KCNIP4: variants seen among roughly 807,000 people sequenced by gnomAD.
KCNIP4 encodes the protein potassium voltage-gated channel interacting protein 4.
In KCNIP4, 12 loss-of-function variants were observed where a neutral mutation model predicts 34.0. That is an observed-to-expected ratio of 0.35 (90% CI 0.23 to 0.57). The LOEUF (loss-of-function observed/expected upper bound fraction) is 0.57. KCNIP4 is among the 20% of genes least tolerant of loss of function. The pLI is 0.83. For missense variants in KCNIP4, 238 were observed against 311.7 expected (o/e 0.76, Z 1.78); for synonymous variants, 124 against 102.2 (o/e 1.21, Z -1.29).
chr4:21,077,185 T>A (rs1265582963), intron 1 of KCNIP4, among the ~76,000 whole-genome samples: 2 of 151,956 alleles, frequency 1.3e-5, no homozygotes, highest in Admixed American at 1.3e-4. Flanking sequence ...GTATTGAGGT[T>A]TTATTGCTCC....
intron 1 of KCNIP4, among the ~76,000 whole-genome samples, chr4:21,895,874 C>T (rs1474583170): frequency 6.6e-6 from 1 of 152,028 alleles, no homozygotes; most frequent in Non-Finnish European, 1.5e-5. Context: ...TTATTTATAC[C>T]TCTCTTTTTC....
At chr4:21,803,623 A>G (rs1198504506) in intron 1 of KCNIP4, among the ~76,000 whole-genome samples, 1 of 151,896 alleles carries the variant, frequency 6.6e-6, no homozygotes, top group Non-Finnish European at 1.5e-5. Context: ...ATGTCTCCAA[A>G]ATGCTACCCT....
intron 1 of KCNIP4, among the ~76,000 whole-genome samples, chr4:21,410,695 T>C: frequency 6.6e-6 from 1 of 152,200 alleles, no homozygotes; most frequent in Non-Finnish European, 1.5e-5. Flanking sequence ...CATTTCTGAA[T>C]TCCTGACCCA....
chr4:21,398,575 G>A (rs58470142), intron 1 of KCNIP4, among the ~76,000 whole-genome samples: 151,860 of 152,370 alleles, frequency 1, 75,677 homozygotes, highest in Middle Eastern at 1. Context: ...GCACATGTAC[G>A]TTTGCATACA....
At position 20,940,097 on chromosome 4, in the gene KCNIP4, C is replaced by T. The variant is rs538998565; in HGVS notation, c.62-57388G>A. On this transcript the variant is annotated intron_variant, in intron 1 of 8. Transcript: ENST00000382152. ...CCATCAACCATTTCGCAATGATGTG[C>T]CTCTGGTTTTGTGGTGGTCTTCTCC... is the stretch of plus-strand genomic sequence containing the variant. Among the ~76,000 whole-genome samples, 4 of 152,208 alleles carry T rather than the reference C, an allele frequency of 2.6e-5. No individual in the cohort carries two copies. The East Asian group carries it at 5.8e-4, about 22-fold the overall frequency.
chr4:21,414,047 C>T (rs1025825773), intron 1 of KCNIP4, among the ~76,000 whole-genome samples: 4 of 151,856 alleles, frequency 2.6e-5, no homozygotes, highest in Admixed American at 6.6e-5. Flanking sequence ...ACAACATTAA[C>T]GAAAAAATCT....
At chr4:21,369,391 G>A (rs926769358) in intron 1 of KCNIP4, among the ~76,000 whole-genome samples, 1 of 147,172 alleles carries the variant, frequency 6.8e-6, no homozygotes, top group Non-Finnish European at 1.5e-5. Flanking sequence ...TGATAAATGT[G>A]GAATGGTTAG....
intron 1 of KCNIP4, among the ~76,000 whole-genome samples, chr4:21,818,092 T>C (rs1368028455): frequency 1.3e-5 from 2 of 152,156 alleles, no homozygotes; most frequent in Non-Finnish European, 2.9e-5. Context: ...CTGCTGGTTT[T>C]GAGGCTCAGG....
chr4:21,266,594 A>C (rs963879859), intron 1 of KCNIP4, among the ~76,000 whole-genome samples: 11 of 152,210 alleles, frequency 7.2e-5, no homozygotes, highest in Non-Finnish European at 2.9e-5. Flanking sequence ...AGAAGTAAAA[A>C]ATGAGGACGT....
intron 1 of KCNIP4, among the ~76,000 whole-genome samples, chr4:21,727,655 C>T (rs1252586465): frequency 6.6e-6 from 1 of 151,908 alleles, no homozygotes; most frequent in East Asian, 1.9e-4. Context: ...ATAACAAGAA[C>T]TCATCTTTAC....
chr4:21,170,420 G>A (rs1753936614), intron 1 of KCNIP4, among the ~76,000 whole-genome samples: 1 of 152,030 alleles, frequency 6.6e-6, no homozygotes, highest in Non-Finnish European at 1.5e-5. Flanking sequence ...GGAAAATTTA[G>A]GTAAGCACTA....
chr4:21,389,737 T>C (rs1722377498), intron 1 of KCNIP4, among the ~76,000 whole-genome samples: 1 of 152,230 alleles, frequency 6.6e-6, no homozygotes, highest in East Asian at 1.9e-4. Flanking sequence ...GTCTTTTCTA[T>C]TGCGAATAGT....
intron 1 of KCNIP4, among the ~76,000 whole-genome samples, chr4:21,820,283 G>GTA (rs1288802050): frequency 0.017 from 2,088 of 126,450 alleles, 41 homozygotes; most frequent in African/African-American, 0.054. Flanking sequence ...ATGTGTGTGT[G>GTA]TGTATATATA....
At chr4:21,539,439 C>A (rs1345784483) in intron 1 of KCNIP4, among the ~76,000 whole-genome samples, 1 of 152,090 alleles carries the variant, frequency 6.6e-6, no homozygotes, top group African/African-American at 2.4e-5. Context: ...GGGATGGAAA[C>A]AAAATTGATG....
intron 1 of KCNIP4, among the ~76,000 whole-genome samples, chr4:20,925,912 A>G (rs1403243801): frequency 6.6e-6 from 1 of 152,202 alleles, no homozygotes; most frequent in African/African-American, 2.4e-5. Context: ...TCTACCAGCA[A>G]CAAATTGTTA....
At chr4:21,426,721 T>C (rs1725958001) in intron 1 of KCNIP4, among the ~76,000 whole-genome samples, 1 of 151,992 alleles carries the variant, frequency 6.6e-6, no homozygotes, top group African/African-American at 2.4e-5. Context: ...ATTGAGCATC[T>C]ACTAAGAGCC....
In KCNIP4 at chr4:20,776,381, T is replaced by C. The variant is rs545977356; in HGVS notation, c.289-17491A>G. Among the ~76,000 whole-genome samples the C allele has an allele frequency of 5.3e-5, 8 of 152,300 alleles. No individual in the cohort carries two copies. In the East Asian group the frequency reaches 1.5e-3, roughly 29 times the overall value. On this transcript the variant is annotated intron_variant, in intron 3 of 8. Coordinates refer to ENST00000382152, the MANE Select transcript of KCNIP4 (RefSeq NM_025221.6). ...AAGGAGATTAATATTTGGATTTAAA[T>C]AATAGGAGCTCTACTTTCGGTTTCT...
intron 1 of KCNIP4, among the ~76,000 whole-genome samples, chr4:21,925,542 A>T (rs1316954597): frequency 6.6e-6 from 1 of 152,036 alleles, no homozygotes; most frequent in Non-Finnish European, 1.5e-5. Flanking sequence ...TGCTATAAAC[A>T]GATGTCATTT....
chr4:21,641,359 C>A, intron 1 of KCNIP4, among the ~76,000 whole-genome samples: 1 of 152,222 alleles, frequency 6.6e-6, no homozygotes, highest in Non-Finnish European at 1.5e-5. Context: ...AGCCACAGCA[C>A]TACAGTCCTT....
Sources: allele counts gnomAD v4.1 joint callset (sites outside exome capture counted in the v4.1 genomes callset), GRCh38; gene constraint gnomAD v4.1.1; transcripts MANE v1.5; gene names NCBI Gene and HGNC (gene_info 2026-07-23, HGNC 2026-07-21).